The following SSH2 variants were observed in gnomAD, a reference collection of about 807,000 sequenced individuals.
SSH2 encodes slingshot protein phosphatase 2, also known as protein phosphatase Slingshot homolog 2.
A neutral mutation model predicts 135.2 loss-of-function variants in SSH2; 37 were observed. The observed-to-expected ratio is 0.27, with a 90% CI of 0.21 to 0.36. The LOEUF is 0.36. Ranked by LOEUF, SSH2 falls within the 10% of genes least tolerant of loss-of-function variation. SSH2 has a pLI of 1.00. For synonymous variants in SSH2, 628 were observed against 646.2 expected, an observed-to-expected ratio of 0.97 and a Z score of 0.43; for missense variants, 1,408 against 1,765.3, an observed-to-expected ratio of 0.80 and a Z score of 3.63.
At chr17:29,879,521 G>C (rs925469715) in intron 1 of SSH2, among the ~76,000 whole-genome samples, 1 of 151,924 alleles carries the variant, frequency 6.6e-6, no homozygotes, top group African/African-American at 2.4e-5. Flanking sequence ...TCCGACCAAA[G>C]TGGTACATTT....
intron 1 of SSH2, among the ~76,000 whole-genome samples, chr17:29,911,800 G>A (rs986827662): frequency 1.3e-5 from 2 of 152,130 alleles, no homozygotes; most frequent in Non-Finnish European, 2.9e-5. Flanking sequence ...TAATGAAATG[G>A]AAGGAAAATA....
chr17:29,905,951 C>G (rs1488544847), intron 1 of SSH2, among the ~76,000 whole-genome samples: 1 of 152,180 alleles, frequency 6.6e-6, no homozygotes, highest in African/African-American at 2.4e-5. Context: ...AATGACCTGC[C>G]TGCAGAGAAG....
intron 2 of SSH2, among the ~76,000 whole-genome samples, chr17:29,823,462 C>T (rs2042688424): frequency 1.3e-5 from 2 of 152,166 alleles, no homozygotes; most frequent in Non-Finnish European, 1.5e-5. Flanking sequence ...TCTAACACCC[C>T]ACATTGGGCC....
At chr17:29,848,388 A>T (rs948466696) in intron 2 of SSH2, among the ~76,000 whole-genome samples, 11 of 152,164 alleles carry the variant, frequency 7.2e-5, no homozygotes, top group Admixed American at 2.6e-4. Context: ...TGATTATAAC[A>T]CTATTTGGCT....
intron 1 of SSH2, among the ~76,000 whole-genome samples, chr17:29,877,413 A>G (rs2066053897): frequency 6.6e-6 from 1 of 152,230 alleles, no homozygotes; most frequent in Admixed American, 6.5e-5. Context: ...TCACAGAGGT[A>G]TCTGTACTCC....
intron 3 of SSH2, among the ~76,000 whole-genome samples, chr17:29,706,092 A>G (rs2039189286): frequency 6.6e-6 from 1 of 152,160 alleles, no homozygotes; most frequent in Non-Finnish European, 1.5e-5. Context: ...TTTTTTCCAC[A>G]CTGTATGTCT....
intron 1 of SSH2, among the ~76,000 whole-genome samples, chr17:29,857,174 G>A (rs552045666): frequency 3.3e-5 from 5 of 152,222 alleles, no homozygotes; most frequent in East Asian, 1.9e-4. Flanking sequence ...AGACATACCC[G>A]AAACTGGGCA....
chr17:29,754,667 TTTTATTTA>T (rs1295854031), intron 3 of SSH2, among the ~76,000 whole-genome samples: 1 of 152,120 alleles, frequency 6.6e-6, no homozygotes, highest in South Asian at 2.1e-4. Context: ...TTTATTTTAT[TTTTATTTA>T]TTTATTTTTG....
chr17:29,770,103 T>TTG (rs1567963119), intron 3 of SSH2, among the ~76,000 whole-genome samples: 34 of 148,266 alleles, frequency 2.3e-4, no homozygotes, highest in South Asian at 1.1e-3. Context: ...TTTTTTTTTT[T>TTG]TTTTTTTTTT....
chr17:29,811,180 GA>G (rs2042435396), intron 2 of SSH2, among the ~76,000 whole-genome samples: 1 of 152,038 alleles, frequency 6.6e-6, no homozygotes, highest in African/African-American at 2.4e-5. Context: ...ATTTTTAGTA[GA>G]GATGGAGTTT....
chr17:29,704,672 C>T (rs1486154033), intron 3 of SSH2, among the ~76,000 whole-genome samples: 1 of 146,434 alleles, frequency 6.8e-6, no homozygotes, highest in African/African-American at 2.5e-5. Flanking sequence ...CATTGTACTC[C>T]AGCTGGGGCG....
chr17:29,858,005 TCTTA>T (rs2065694256), intron 1 of SSH2, among the ~76,000 whole-genome samples: 1 of 152,252 alleles, frequency 6.6e-6, no homozygotes, highest in Admixed American at 6.5e-5. Flanking sequence ...GACTGAGTTA[TCTTA>T]CTTAGCATAA....
intron 4 of SSH2, among the ~76,000 whole-genome samples, chr17:29,696,174 TACACACACACAC>T (rs199942164): frequency 1.5e-5 from 2 of 137,162 alleles, no homozygotes; most frequent in South Asian, 2.4e-4. Context: ...TGTATATATA[TACACACACACAC>T]ACACACACAC....
intron 3 of SSH2, among the ~76,000 whole-genome samples, chr17:29,754,559 A>G (rs1348457735): frequency 6.6e-6 from 1 of 152,216 alleles, no homozygotes; most frequent in Non-Finnish European, 1.5e-5. Flanking sequence ...AAGTATATAA[A>G]AAGCTTAAGA....
intron 3 of SSH2, among the ~76,000 whole-genome samples, chr17:29,727,292 G>A (rs933063234): frequency 1.3e-5 from 2 of 152,270 alleles, no homozygotes; most frequent in Admixed American, 6.5e-5. Context: ...AGCCAGCTTC[G>A]ATCAAAAGAA....
At chr17:29,878,754 C>T (rs1050731674) in intron 1 of SSH2, among the ~76,000 whole-genome samples, 1 of 151,996 alleles carries the variant, frequency 6.6e-6, no homozygotes, top group Non-Finnish European at 1.5e-5. Flanking sequence ...AAAGAAAATC[C>T]AGCTGTGCCC....
chr17:29,857,266 G>A (rs771857594), intron 1 of SSH2, among the ~76,000 whole-genome samples: 46 of 152,212 alleles, frequency 3.0e-4, no homozygotes, highest in Non-Finnish European at 5.1e-4. Context: ...AGGCAAGGAA[G>A]AGCAAGTCAC....
At position 29,930,190 on chromosome 17, in the gene SSH2, G is replaced by A; in HGVS notation, c.-190C>T. ...ACTGTCGCCGACTGACGCTCCGAAC[G>A]GGCGGCGGGCGGGCGGTTCCGCAGC... On this transcript the variant is annotated 5_prime_UTR_variant, in exon 1 of 16. Transcript: ENST00000540801. 3.5e-6 allele frequency: 2 copies of A among 576,700 alleles called. No homozygotes were observed. The highest frequency in any genetic ancestry group is 6.0e-6 in the Non-Finnish European group (2 of 333,858). The allele number at this position is 576,700 out of a possible 1,614,324, so 35.7% of individuals were successfully genotyped here.
intron 2 of SSH2, among the ~76,000 whole-genome samples, chr17:29,814,130 CAAAAAA>C (rs1402714927): frequency 3.7e-3 from 78 of 21,138 alleles, no homozygotes; most frequent in Non-Finnish European, 6.1e-3. Context: ...GACTTCGTCT[CAAAAAA>C]AAAAAAAAAA....
Sources: allele counts gnomAD v4.1 joint callset (sites outside exome capture counted in the v4.1 genomes callset), GRCh38; gene constraint gnomAD v4.1.1; transcripts MANE v1.5; gene names NCBI Gene and HGNC (gene_info 2026-07-23, HGNC 2026-07-21).